ATG7: variants seen among roughly 807,000 people sequenced by gnomAD.
The protein encoded by ATG7 is ubiquitin-like modifier-activating enzyme ATG7.
In ATG7, 70 loss-of-function variants were observed where a neutral mutation model predicts 82.4. The observed-to-expected ratio is 0.85, with a 90% CI of 0.70 to 1.04. The LOEUF is 1.04. ATG7 is among the 50% of genes least tolerant of loss of function. The pLI is 0.00. For missense variants in ATG7, 792 were observed against 864.3 expected (o/e 0.92, Z 1.05); for synonymous variants, 287 against 313.0 (o/e 0.92, Z 0.88).
intron 7 of ATG7, among the ~76,000 whole-genome samples, chr3:11,310,519 T>C (rs1475009902): frequency 1.3e-5 from 2 of 152,230 alleles, no homozygotes; most frequent in African/African-American, 4.8e-5. Flanking sequence ...TTCTAACAAG[T>C]TATAATGCTT....
rs1480822217 is a variant in ATG7, at chr3:11,555,047, T to A, written c.*204T>A. On this transcript the variant is annotated 3_prime_UTR_variant, in exon 21 of 21. Coordinates refer to ENST00000693202, the MANE Select transcript of ATG7 (RefSeq NM_001349232.2). ...AAGATACCACCAGTTCAGAGCTAAA[T>A]AATAACCTTGGCCTTGGCCTTGCTA... 3.3e-6 allele frequency: 2 copies of A among 614,000 alleles called. No individual in the cohort carries two copies. Among genetic ancestry groups the A allele is most frequent in the Non-Finnish European group, 5.5e-6 (2 of 365,994 alleles). The allele number at this position is 614,000 out of a possible 1,614,324, so 38.0% of individuals were successfully genotyped here.
At chr3:11,493,987 GAA>G (rs1394133963) in intron 20 of ATG7, among the ~76,000 whole-genome samples, 1 of 152,180 alleles carries the variant, frequency 6.6e-6, no homozygotes, top group Non-Finnish European at 1.5e-5. Context: ...GTAGTTAGGT[GAA>G]AGAGAAAACC....
chr3:11,502,767 A>G (rs2091436282), intron 20 of ATG7, among the ~76,000 whole-genome samples: 1 of 152,108 alleles, frequency 6.6e-6, no homozygotes, highest in African/African-American at 2.4e-5. Flanking sequence ...GGGACTATAG[A>G]TGCATCTGAA....
intron 19 of ATG7, among the ~76,000 whole-genome samples, chr3:11,394,500 T>C (rs2079057723): frequency 6.6e-6 from 1 of 152,212 alleles, no homozygotes; most frequent in Non-Finnish European, 1.5e-5. Flanking sequence ...TATGGCCATT[T>C]GCTGATCAGG....
At chr3:11,394,479 AT>A (rs1479812050) in intron 19 of ATG7, among the ~76,000 whole-genome samples, 1 of 152,180 alleles carries the variant, frequency 6.6e-6, no homozygotes, top group Non-Finnish European at 1.5e-5. Flanking sequence ...TATTAGGGCA[AT>A]TTTTTGTTTT....
chr3:11,313,326 A>C lies in ATG7; in HGVS notation c.434A>C (p.Tyr145Ser). 1 of 1,610,074 alleles carries C rather than the reference A, an allele frequency of 6.2e-7. No individual in the cohort carries two copies. The highest frequency in any genetic ancestry group is 8.5e-7 in the Non-Finnish European group (1 of 1,177,364). Reference sequence around the variant, plus strand: ...TAGGATCTAAAGAAGTACCACTTCTACTATTGGTTTTGCTATCCTGCCCTC... The same window carrying C: ...TAGGATCTAAAGAAGTACCACTTCTCCTATTGGTTTTGCTATCCTGCCCTC... ...TFADLKKYHFYYWFCYPALCL... is the reference protein window; with the variant it reads ...TFADLKKYHFSYWFCYPALCL... The change falls in exon 8 of 21, where the codon TAC (tyrosine) becomes TCC (serine). Residue 145 changes from tyrosine to serine, a missense_variant. Physicochemically the swap from Tyr to Ser is moderately radical, Grantham distance 144 (BLOSUM62 -2). Transcript: ENST00000693202.
intron 20 of ATG7, among the ~76,000 whole-genome samples, chr3:11,429,718 C>G (rs528787494): frequency 1.3e-3 from 196 of 151,868 alleles, no homozygotes; most frequent in African/African-American, 4.5e-3. Context: ...GAGGCCAAGG[C>G]TGGTGGAGTG....
chr3:11,532,871 T>C (rs752686477), intron 20 of ATG7, among the ~76,000 whole-genome samples: 2 of 152,210 alleles, frequency 1.3e-5, no homozygotes, highest in African/African-American at 2.4e-5. Flanking sequence ...AAATGAATTA[T>C]TTTGTTGAGA....
At chr3:11,301,448 AT>A (rs1210365258) in intron 5 of ATG7, among the ~76,000 whole-genome samples, 1 of 152,038 alleles carries the variant, frequency 6.6e-6, no homozygotes, top group Non-Finnish European at 1.5e-5. Flanking sequence ...TGTCCCTAGA[AT>A]TTTTTTTAAT....
chr3:11,457,594 G>A (rs1002181064), intron 20 of ATG7, among the ~76,000 whole-genome samples: 3 of 152,074 alleles, frequency 2.0e-5, no homozygotes, highest in Admixed American at 6.6e-5. Context: ...CGGATCAGGG[G>A]GAAACATTTC....
At chr3:11,426,674 T>C in intron 19 of ATG7, 130 bp from the exon 20 acceptor site, 1 of 869,482 alleles carries the variant, frequency 1.2e-6, no homozygotes, top group Non-Finnish European at 1.6e-6. Flanking sequence ...GCCACTAGAT[T>C]GCATTATTAT....
chr3:11,551,136 A>G (rs2071734068), intron 20 of ATG7, among the ~76,000 whole-genome samples: 1 of 152,166 alleles, frequency 6.6e-6, no homozygotes, highest in South Asian at 2.1e-4. Context: ...GTTCTTGGAC[A>G]TGGTCTTCTC....
intron 20 of ATG7, chr3:11,488,388 G>C: frequency 2.6e-6 from 3 of 1,161,834 alleles, no homozygotes; most frequent in Non-Finnish European, 3.3e-6. Flanking sequence ...CAAAGACTGA[G>C]ACAGCTCCGC....
intron 20 of ATG7, among the ~76,000 whole-genome samples, chr3:11,548,846 C>T (rs1575289201): frequency 1.3e-5 from 2 of 152,260 alleles, no homozygotes; most frequent in East Asian, 1.9e-4. Context: ...AATATCCTTT[C>T]GTATAGTGGA....
intron 20 of ATG7, among the ~76,000 whole-genome samples, chr3:11,514,037 A>AT (rs953945215): frequency 9.2e-5 from 14 of 151,514 alleles, no homozygotes; most frequent in African/African-American, 2.7e-4. Flanking sequence ...TGCCAAGCTA[A>AT]TTTTTTTTTG....
At chr3:11,509,958 A>G (rs1004428329) in intron 20 of ATG7, among the ~76,000 whole-genome samples, 9 of 152,142 alleles carry the variant, frequency 5.9e-5, no homozygotes, top group Non-Finnish European at 1.0e-4. Flanking sequence ...GGATTTGCCA[A>G]TGGCTATTTT....
intron 16 of ATG7, among the ~76,000 whole-genome samples, chr3:11,362,362 A>T (rs1359230826): frequency 6.6e-6 from 1 of 152,204 alleles, no homozygotes; most frequent in Admixed American, 6.5e-5. Flanking sequence ...CAGGAATAGT[A>T]AATTGTTGCT....
intron 3 of ATG7, among the ~76,000 whole-genome samples, chr3:11,283,910 C>T (rs1483922676): frequency 2.0e-5 from 3 of 152,088 alleles, no homozygotes; most frequent in Non-Finnish European, 2.9e-5. Flanking sequence ...CCAGCCTGGA[C>T]GACAGAACGA....
intron 9 of ATG7, among the ~76,000 whole-genome samples, chr3:11,326,787 T>G (rs983756286): frequency 1.3e-5 from 2 of 152,188 alleles, no homozygotes; most frequent in African/African-American, 2.4e-5. Context: ...GGAAGACAAC[T>G]TCTTAATTCG....
Sources: allele counts gnomAD v4.1 joint callset (sites outside exome capture counted in the v4.1 genomes callset), GRCh38; gene constraint gnomAD v4.1.1; transcripts MANE v1.5; gene names NCBI Gene and HGNC (gene_info 2026-07-23, HGNC 2026-07-21).